The following BTNL9 variants were observed in gnomAD, a reference collection of about 807,000 sequenced individuals.
BTNL9 encodes the protein butyrophilin like 9.
BTNL9 carries 45 observed loss-of-function variants against 45.8 expected under a neutral mutation model. The observed-to-expected ratio is 0.98, with a 90% CI of 0.77 to 1.26. BTNL9 has a LOEUF of 1.26. BTNL9 is among the 50% of genes most tolerant of loss of function. The pLI, the probability that BTNL9 is intolerant of heterozygous loss-of-function variation, is 0.00. For synonymous variants in BTNL9, 346 were observed against 330.8 expected (o/e 1.05, Z -0.50); for missense variants, 784 against 729.7 (o/e 1.07, Z -0.86).
In BTNL9 at chr5:181,045,566, T is replaced by G. The variant is rs1349317862; in HGVS notation, c.77T>G (p.Leu26Arg). The change falls in exon 2 of 11, where the codon CTC becomes CGC. Residue 26 changes from leucine (L) to arginine (R), a missense_variant. Leu to Arg is a moderately radical substitution (Grantham distance 102). Transcript: ENST00000327705. ...AGCAGTCTTGTCTTCCTCATGCACCTCCTCCTCCTTCAGCCTGGGGAGCCG... is the reference window on the plus strand; with the variant it reads ...AGCAGTCTTGTCTTCCTCATGCACCGCCTCCTCCTTCAGCCTGGGGAGCCG... ...LTSSLVFLMH[L>R]LLLQPGEPSS... 1 of 1,612,112 alleles carries G rather than the reference T, an allele frequency of 6.2e-7. No homozygotes were observed. The highest frequency in any genetic ancestry group is 2.2e-5 in the East Asian group (1 of 44,848).
rs1213266407 is a variant in BTNL9, at chr5:181,059,425, G to A, written c.1171G>A (p.Gly391Ser). 2.0e-6 allele frequency: 3 copies of A among 1,480,498 alleles called. No homozygotes were observed. Among genetic ancestry groups the A allele is most frequent in the Non-Finnish European group, 2.7e-6 (3 of 1,120,234 alleles). 91.7% of individuals were successfully genotyped at this position (1,480,498 alleles called of 1,614,324 possible). ...AGRHYWEVHV[G>S]RRSRWFLGAC... ...CCGCCACTACTGGGAGGTGCACGTGGGCCGCCGCAGCCGCTGGTTCCTGGG... is the reference window on the plus strand; with the variant it reads ...CCGCCACTACTGGGAGGTGCACGTGAGCCGCCGCAGCCGCTGGTTCCTGGG... Residue 391 changes from glycine to serine, a missense_variant, in exon 11 of 11, where the codon GGC becomes AGC. Physicochemically the swap from Gly to Ser is moderately conservative, Grantham distance 56. Coordinates refer to ENST00000327705, the MANE Select transcript of BTNL9 (RefSeq NM_152547.5).
chr5:181,051,381 C>T (rs1445167042), intron 4 of BTNL9, among the ~76,000 whole-genome samples: 1 of 152,180 alleles, frequency 6.6e-6, no homozygotes, highest in African/African-American at 2.4e-5. Flanking sequence ...AAAACTCCCC[C>T]TTTGATATAG....
At position 181,048,738 on chromosome 5, in the gene BTNL9, T is replaced by TA. The variant is rs1481782620; in HGVS notation, c.454+467_454+468insA. Among the ~76,000 whole-genome samples the TA allele has an allele frequency of 5.1e-4, 35 of 68,236 alleles. 1 individual carries two copies. Among genetic ancestry groups the TA allele is most frequent in the African/African-American group, 1.7e-3 (33 of 19,738 alleles). The allele number at this position is 68,236 out of a possible 152,430, so 44.8% of individuals were successfully genotyped here. On this transcript the variant is annotated intron_variant, in intron 3 of 10. Transcript: ENST00000327705. The stretch of plus-strand genomic sequence containing the variant: ...ATATATATATATATCTATATATATA[T>TA]CTATCTATATATATAGATATAGATA...
Position 181,055,677 on chromosome 5 carries a change from G to A in BTNL9, c.928+224G>A. ...CCAGCTACATGGGAGGCTGAGGCAG[G>A]AGAAGGGCGTGAACCCGGGAAGCGG... is the stretch of plus-strand genomic sequence containing the variant. On this transcript the variant is annotated intron_variant, in intron 8 of 10. Coordinates refer to ENST00000327705, the MANE Select transcript of BTNL9 (RefSeq NM_152547.5). This position sits in a 1 kb window ranked among gnomAD's most constrained non-coding sequence, Gnocchi z 4.4. 1.5e-6 allele frequency: 1 copy of A among 688,352 alleles called. No homozygotes were observed. The highest frequency in any genetic ancestry group is 2.5e-4 in the Middle Eastern group (1 of 3,984). The allele number at this position is 688,352 out of a possible 1,614,324, so 42.6% of individuals were successfully genotyped here.
Position 181,048,743 on chromosome 5 carries a change from C to A in BTNL9, c.454+472C>A, listed in dbSNP as rs62405401. ...TATATATATCTATATATATATCTAT[C>A]TATATATATAGATATAGATATATAT... On this transcript the variant is annotated intron_variant, in intron 3 of 10. Coordinates refer to ENST00000327705, the MANE Select transcript of BTNL9 (RefSeq NM_152547.5). 1.6e-4 allele frequency among the ~76,000 whole-genome samples: 6 copies of A among 36,612 alleles called. 1 individual carries two copies. The highest frequency in any genetic ancestry group is 3.4e-4 in the African/African-American group (4 of 11,796). 24.0% of individuals were successfully genotyped at this position (36,612 alleles called of 152,430 possible). A position where few individuals can be genotyped will look rare whatever the true frequency, so the allele number is the denominator to read the frequency against.
chr5:181,059,603 G>A lies in BTNL9; in HGVS notation c.1349G>A (p.Gly450Asp), dbSNP rs1386616115. 14 of 1,613,258 alleles carry A rather than the reference G, an allele frequency of 8.7e-6. No individual in the cohort carries two copies. The highest frequency in any genetic ancestry group is 1.1e-5 in the Non-Finnish European group (13 of 1,179,914). ...CTGCGCGTGCCCCCGCGGCGCCTGG[G>A]CGTCTTCCTGGACTACGAGGCCGGA... ...LTLRVPPRRL[G>D]VFLDYEAGEL... is the part of the protein sequence containing the mutation. The change falls in exon 11 of 11, where the codon GGC becomes GAC. Residue 450 changes from glycine to aspartate, a missense_variant. Gly to Asp is a moderately conservative substitution (Grantham distance 94). Coordinates refer to ENST00000327705, the MANE Select transcript of BTNL9 (RefSeq NM_152547.5).
At position 181,059,591 on chromosome 5, in the gene BTNL9, C is replaced by G. The variant is rs759248008; in HGVS notation, c.1337C>G (p.Pro446Arg). 1.9e-6 allele frequency: 3 copies of G among 1,613,072 alleles called. No individual in the cohort carries two copies. The highest frequency in any genetic ancestry group is 3.3e-4 in the Middle Eastern group (2 of 6,062). The stretch of plus-strand genomic sequence containing the variant: ...GTCGCGCTCACCCTGCGCGTGCCCC[C>G]GCGGCGCCTGGGCGTCTTCCTGGAC... ...HRVALTLRVP[P>R]RRLGVFLDYE... is the part of the protein sequence containing the mutation. Residue 446 changes from proline to arginine, a missense_variant, in exon 11 of 11, where the codon CCG (proline) becomes CGG (arginine). Coordinates refer to ENST00000327705, the MANE Select transcript of BTNL9 (RefSeq NM_152547.5).
rs975636015 is a variant in BTNL9, at chr5:181,061,143, C to A, written c.*1281C>A. The A allele has an allele frequency of 6.6e-6, 1 of 152,208 alleles. No homozygotes were observed. Among genetic ancestry groups the A allele is most frequent in the Non-Finnish European group, 1.5e-5 (1 of 68,036 alleles). 9.4% of individuals were successfully genotyped at this position (152,208 alleles called of 1,614,324 possible). A position where few individuals can be genotyped will look rare whatever the true frequency, so the allele number is the denominator to read the frequency against. ...GGAGAACATTCTTGTTCTTAGCAAA[C>A]ATACTGAAGTTTTTAGATATTAATT... On this transcript the variant is annotated 3_prime_UTR_variant, in exon 11 of 11. Coordinates refer to ENST00000327705, the MANE Select transcript of BTNL9 (RefSeq NM_152547.5).
At chr5:181,054,010 G>A in intron 6 of BTNL9, 1 of 1,539,834 alleles carries the variant, frequency 6.5e-7, no homozygotes, top group Non-Finnish European at 8.7e-7. Flanking sequence ...TAGCAGGAGG[G>A]AGGGCGCTGG....
Position 181,058,363 on chromosome 5 carries a change from G to T in BTNL9, c.967G>T (p.Ala323Ser), listed in dbSNP as rs373558505. The T allele has an allele frequency of 6.2e-7, 1 of 1,614,126 alleles. No individual in the cohort carries two copies. The highest frequency in any genetic ancestry group is 2.2e-5 in the East Asian group (1 of 44,882). The change falls in exon 10 of 11, where the codon GCC becomes TCC. Residue 323 changes from alanine (A) to serine (S), a missense_variant. Ala to Ser is a moderately conservative substitution (Grantham distance 99). Transcript: ENST00000327705. The stretch of plus-strand genomic sequence containing the variant: ...CTGTTTGGTTTCAGAGTGGAGAGCA[G>T]CCCAAAAATATGCAGGTAACTGAAG... ...RAEGQAEWRA[A>S]QKYAVDVTLD...
intron 1 of BTNL9, among the ~76,000 whole-genome samples, chr5:181,043,839 C>G (rs1486906178): frequency 1.3e-5 from 2 of 152,178 alleles, no homozygotes; most frequent in Non-Finnish European, 2.9e-5. Flanking sequence ...CGCAGAGAGG[C>G]TTCCACCAGT....
In BTNL9 at chr5:181,048,290, G is replaced by A. The variant is rs893202611; in HGVS notation, c.454+19G>A. 5 of 1,579,514 alleles carry A rather than the reference G, an allele frequency of 3.2e-6. No homozygotes were observed. The highest frequency in any genetic ancestry group is 1.1e-5 in the South Asian group (1 of 88,772). On this transcript the variant is annotated intron_variant, in intron 3 of 10. Transcript: ENST00000327705. The stretch of plus-strand genomic sequence containing the variant: ...GTAGCAGGTGCGTGGACTGACCTAA[G>A]GCCCTGCAGAGGAGAGGGAGATCCA...
rs2113245389 is a variant in BTNL9 at position 181,055,978 on chromosome 5, G to T, written c.929-11G>T. 1 of 1,614,134 alleles carries T rather than the reference G, an allele frequency of 6.2e-7. No homozygotes were observed. The highest frequency in any genetic ancestry group is 2.2e-5 in the East Asian group (1 of 44,876). Reference sequence around the variant, plus strand: ...ATGTGCTAATTTCCTGTTTTCCCTTGGTTGCTTCAGACTGGAGACGGGCTG... The same window carrying T: ...ATGTGCTAATTTCCTGTTTTCCCTTTGTTGCTTCAGACTGGAGACGGGCTG... On this transcript the variant is annotated splice_polypyrimidine_tract_variant and intron_variant, in intron 8 of 10. Transcript: ENST00000327705. The surrounding 1 kb of genome is among the most constrained non-coding windows in gnomAD (Gnocchi z 4.4).
intron 1 of BTNL9, among the ~76,000 whole-genome samples, chr5:181,044,148 C>T (rs1255013102): frequency 6.6e-6 from 1 of 152,180 alleles, no homozygotes; most frequent in Non-Finnish European, 1.5e-5. Flanking sequence ...TGCCTCCTAG[C>T]CTAAGGGTCC....
chr5:181,048,750 TATAG>T (rs1368137708), intron 3 of BTNL9, among the ~76,000 whole-genome samples: 1 of 140,456 alleles, frequency 7.1e-6, no homozygotes, highest in Non-Finnish European at 1.5e-5. Flanking sequence ...TATCTATATA[TATAG>T]ATATAGATAT....
chr5:181,059,925 C>G lies in BTNL9; in HGVS notation c.*63C>G. On this transcript the variant is annotated 3_prime_UTR_variant, in exon 11 of 11. Transcript: ENST00000327705. ...CCCTGGATCCCAGGCCAGCGCTTTG[C>G]TCTCCTGCTCCGTCTGAAGGGAGCA... 2.2e-6 allele frequency: 3 copies of G among 1,380,800 alleles called. No homozygotes were observed. The highest frequency in any genetic ancestry group is 1.9e-6 in the Non-Finnish European group (2 of 1,041,542). The allele number at this position is 1,380,800 out of a possible 1,614,324, so 85.5% of individuals were successfully genotyped here. A position where few individuals can be genotyped will look rare whatever the true frequency, so the allele number is the denominator to read the frequency against.
chr5:181,048,259 C>T lies in BTNL9; in HGVS notation c.442C>T (p.Leu148=), dbSNP rs749679396. 6.2e-7 allele frequency: 1 copy of T among 1,609,926 alleles called. No individual in the cohort carries two copies. The highest frequency in any genetic ancestry group is 2.2e-5 in the East Asian group (1 of 44,802). ...DNFSGEALWE[L]EVAGLGSDPH... Reference sequence around the variant, plus strand: ...CTTCTCTGGCGAAGCTCTCTGGGAACTGGAGGTAGCAGGTGCGTGGACTGA... The same window carrying T: ...CTTCTCTGGCGAAGCTCTCTGGGAATTGGAGGTAGCAGGTGCGTGGACTGA... Residue 148 remains leucine (L), a synonymous_variant, in exon 3 of 11, where the codon CTG becomes TTG. Transcript: ENST00000327705.
rs371740103 is a variant in BTNL9 at position 181,059,562 on chromosome 5, C to T, written c.1308C>T (p.His436=). 8.1e-6 allele frequency: 13 copies of T among 1,611,390 alleles called. No individual in the cohort carries two copies. The highest frequency in any genetic ancestry group is 1.6e-4 in the Middle Eastern group (1 of 6,082). Residue 436 remains histidine, a synonymous_variant, in exon 11 of 11, where the codon CAC becomes CAT. Coordinates refer to ENST00000327705, the MANE Select transcript of BTNL9 (RefSeq NM_152547.5). ...GCGAGTACTTCGTCCTGGCCCCGCA[C>T]CGCGTCGCGCTCACCCTGCGCGTGC... ...NGCEYFVLAP[H]RVALTLRVPP...
chr5:181,059,003 G>A (rs1018788627), intron 10 of BTNL9: 2 of 284,596 alleles, frequency 7.0e-6, no homozygotes, highest in East Asian at 1.8e-4. Flanking sequence ...TGGAATTCAG[G>A]GACCTTCCAG....
Sources: gnomAD v4.1 joint callset for allele counts (sites outside exome capture counted in the v4.1 genomes callset) on GRCh38, gnomAD v4.1.1 for gene constraint, Gnocchi (gnomAD v3.1) non-coding constraint, MANE v1.5 for transcripts, NCBI Gene and HGNC (gene_info 2026-07-23, HGNC 2026-07-21) for gene names.